SPATA31C1: variants seen among roughly 807,000 people sequenced by gnomAD.
SPATA31C1 encodes the protein SPATA31 subfamily C member 1, also known as spermatogenesis-associated protein 31C1.
chr9:87,923,228 C>T, exon 5 of SPATA31C1: 1 of 1,603,450 alleles, frequency 6.2e-7, no homozygotes. Context: ...ACCCGTTCTA[C>T]TCAGACCACA....
chr9:87,921,108 C>G (rs2117994875), exon 5 of SPATA31C1: 1 of 1,611,704 alleles, frequency 6.2e-7, no homozygotes, highest in Middle Eastern at 2.3e-4. Context: ...ACCTGAAACT[C>G]AGCACCCTGA....
chr9:87,922,291 C>A, exon 5 of SPATA31C1: 2 of 1,612,144 alleles, frequency 1.2e-6, no homozygotes, highest in Non-Finnish European at 1.7e-6. Context: ...AGCTTAGGAG[C>A]CCAATCTTCA....
In SPATA31C1 at chr9:87,921,450, C is replaced by A. The variant is rs770414531; in HGVS notation, n.1840C>A. 1.8e-5 allele frequency: 29 copies of A among 1,611,744 alleles called. 1 individual carries two copies. The South Asian group carries it at 3.2e-4, about 18-fold the overall frequency. On this transcript the variant is annotated non_coding_transcript_exon_variant, in exon 5 of 5. Coordinates refer to ENST00000420021, the Ensembl canonical transcript of SPATA31C1. ...GGAGGCACAGACGGTGAAGTTCCAG[C>A]TAGAGAGGGACCCATGCCCACATCT... is the stretch of plus-strand genomic sequence containing the variant.
rs767006741 is a variant in SPATA31C1 at position 87,920,801 on chromosome 9, T to C, written n.1191T>C. On this transcript the variant is annotated non_coding_transcript_exon_variant, in exon 5 of 5. Transcript: ENST00000420021. ...CTGCCCTCTCCTGGTCGCAGGAGAC[T>C]ACCAAAACCTGGTGCATCTTCAACT... 21 of 1,613,946 alleles carry C rather than the reference T, an allele frequency of 1.3e-5. No individual in the cohort carries two copies. The South Asian group carries it at 1.6e-4, about 13-fold the overall frequency.
At chr9:87,923,069 C>T (rs1204845125) in exon 5 of SPATA31C1, 1 of 1,601,210 alleles carries the variant, frequency 6.2e-7, no homozygotes, top group Non-Finnish European at 8.5e-7. Context: ...TGTACGGCAG[C>T]AGTGCTGAAG....
At chr9:87,917,496 CTAAA>C (rs1828757237) in intron 1 of SPATA31C1, 2 of 86,084 alleles carry the variant, frequency 2.3e-5, no homozygotes, top group African/African-American at 6.9e-5. Flanking sequence ...ATTTGCAAAA[CTAAA>C]TAAGAGTAAA....
chr9:87,919,200 C>G lies in SPATA31C1; in HGVS notation n.523-91C>G, dbSNP rs757725332. 4 of 1,596,632 alleles carry G rather than the reference C, an allele frequency of 2.5e-6. No homozygotes were observed. The South Asian group carries it at 3.3e-5, about 13-fold the overall frequency. ...GGTTCATGAGTGCAGCGTGCTGCGG[C>G]TGGGGGCAGAGAGGGAGAGCCGGTC... On this transcript the variant is annotated intron_variant and non_coding_transcript_variant, in intron 2 of 4. Coordinates refer to ENST00000420021, the Ensembl canonical transcript of SPATA31C1.
rs571406680 is a variant in SPATA31C1, at chr9:87,922,149, C to T, written n.2539C>T. Reference sequence around the variant, plus strand: ...CTCCTCACCTGCATGTAAGCAGTTCCAGAGGGCCCCGCGAGGGATCCCATC... The same window carrying T: ...CTCCTCACCTGCATGTAAGCAGTTCTAGAGGGCCCCGCGAGGGATCCCATC... On this transcript the variant is annotated non_coding_transcript_exon_variant, in exon 5 of 5. Transcript: ENST00000420021. 3.2e-5 allele frequency: 52 copies of T among 1,613,490 alleles called. 1 individual carries two copies. Among genetic ancestry groups the T allele is most frequent in the African/African-American group, 2.0e-4 (15 of 75,062 alleles).
intron 4 of SPATA31C1, 130 bp downstream of exon 3, chr9:87,920,106 C>T (rs1238680238): frequency 9.4e-5 from 151 of 1,604,158 alleles, no homozygotes; most frequent in Middle Eastern, 6.6e-4. Context: ...AGCCCTGGGG[C>T]GAGGGGTAGC....
At chr9:87,922,283 C>G (rs1828895454) in exon 5 of SPATA31C1, 1 of 1,612,226 alleles carries the variant, frequency 6.2e-7, no homozygotes, top group Non-Finnish European at 8.5e-7. Flanking sequence ...AGAGCAGGAG[C>G]TTAGGAGCCC....
exon 5 of SPATA31C1, chr9:87,920,459 C>T (rs769828893): frequency 2.5e-6 from 4 of 1,613,964 alleles, no homozygotes; most frequent in Middle Eastern, 1.7e-4. Flanking sequence ...CACCACCAGG[C>T]CCAATGACCA....
exon 5 of SPATA31C1, chr9:87,922,717 A>T (rs772153387): frequency 7.5e-6 from 12 of 1,607,208 alleles, no homozygotes; most frequent in Admixed American, 1.7e-5. Context: ...AACATGGGGC[A>T]CAAGGAGCCC....
At chr9:87,915,553 G>A (rs76879986) in intron 1 of SPATA31C1, among the ~76,000 whole-genome samples, 1 of 145,236 alleles carries the variant, frequency 6.9e-6, no homozygotes, top group South Asian at 2.3e-4. Flanking sequence ...CACCTGCCTC[G>A]GCCTCCCAAA....
exon 5 of SPATA31C1, chr9:87,920,636 C>T (rs1828829640): frequency 6.2e-7 from 1 of 1,613,878 alleles, no homozygotes; most frequent in Non-Finnish European, 8.5e-7. Context: ...CCCTGCGGGA[C>T]TCCACTCTGT....
chr9:87,921,059 T>G, exon 5 of SPATA31C1: 1 of 1,611,436 alleles, frequency 6.2e-7, no homozygotes, highest in Non-Finnish European at 8.5e-7. Flanking sequence ...CTGGAGTAGC[T>G]TGCCCTGCGT....
intron 1 of SPATA31C1, among the ~76,000 whole-genome samples, chr9:87,916,867 C>G (rs1176428141): frequency 2.7e-5 from 2 of 72,756 alleles, no homozygotes; most frequent in Admixed American, 3.0e-4. Context: ...CGTGGTAGCA[C>G]ATGCCTGTAG....
rs571313061 is a variant in SPATA31C1 at position 87,923,155 on chromosome 9, A to T, written n.3545A>T. 42 of 1,603,346 alleles carry T rather than the reference A, an allele frequency of 2.6e-5. 1 individual carries two copies. In the East Asian group the frequency reaches 9.0e-4, roughly 34 times the overall value. Reference sequence around the variant, plus strand: ...CTTTGCCATGCGCGCCATGCCTCGAAGGTAAATCAGCAAAGACAGCAGTTT... The same window carrying T: ...CTTTGCCATGCGCGCCATGCCTCGATGGTAAATCAGCAAAGACAGCAGTTT... On this transcript the variant is annotated non_coding_transcript_exon_variant, in exon 5 of 5. Transcript: ENST00000420021.
exon 5 of SPATA31C1, chr9:87,923,024 T>G: frequency 6.3e-7 from 1 of 1,593,308 alleles, no homozygotes; most frequent in Non-Finnish European, 8.5e-7. Context: ...CAGTCACTGC[T>G]GAGAGCCAAA....
chr9:87,920,291 G>C, exon 5 of SPATA31C1: 1 of 1,613,896 alleles, frequency 6.2e-7, no homozygotes, highest in Non-Finnish European at 8.5e-7. Context: ...ACTTTGGTCA[G>C]CTCTCTGGTC....
Sources: allele counts gnomAD v4.1 joint callset (sites outside exome capture counted in the v4.1 genomes callset), GRCh38; gene constraint gnomAD v4.1.1; transcripts MANE v1.5; gene names NCBI Gene and HGNC (gene_info 2026-07-23, HGNC 2026-07-21).